GET4: variants seen among roughly 807,000 people sequenced by gnomAD.
The protein encoded by GET4 is guided entry of tail-anchored proteins factor 4.
GET4 carries 20 observed loss-of-function variants against 40.0 expected under a neutral mutation model. The ratio of observed to expected loss-of-function variants is 0.50; its 90% confidence interval spans 0.35 to 0.73. GET4 has a LOEUF of 0.73. Ranked by LOEUF, GET4 falls within the 30% of genes least tolerant of loss-of-function variation. The pLI, the probability that GET4 is intolerant of heterozygous loss-of-function variation, is 0.01. For missense variants in GET4, 557 were observed against 454.0 expected (o/e 1.23, Z -2.06); for synonymous variants, 280 against 194.6 (o/e 1.44, Z -3.65).
At chr7:878,417 T>G in intron 1 of GET4, 1 of 469,780 alleles carries the variant, frequency 2.1e-6, no homozygotes, top group Admixed American at 2.3e-5. Flanking sequence ...GAATTGGGTC[T>G]GTTTTAAAGA....
chr7:890,399 T>A (rs10246770), intron 4 of GET4, among the ~76,000 whole-genome samples: 4,776 of 13,126 alleles, frequency 0.36, 1,317 homozygotes, highest in East Asian at 0.54. Flanking sequence ...GGAGGGAGTG[T>A]GAGCGGGTGT....
At chr7:892,816 C>G (rs184598709) in intron 6 of GET4, among the ~76,000 whole-genome samples, 1 of 146,406 alleles carries the variant, frequency 6.8e-6, no homozygotes, top group Non-Finnish European at 1.5e-5. Flanking sequence ...CAGGTGTAGA[C>G]GGCGTATGTG....
intron 1 of GET4, 144 bp downstream of exon 1, chr7:876,944 G>C (rs954401375): frequency 3.7e-6 from 1 of 269,386 alleles, no homozygotes; most frequent in African/African-American, 2.3e-5. Context: ...GGGTCGCCCG[G>C]CGGAGGGTCT....
rs200041310 is a variant in GET4, at chr7:890,436, T to C, written c.467-492T>C. Among the ~76,000 whole-genome samples, 29 of 127,382 alleles carry C rather than the reference T, an allele frequency of 2.3e-4. 2 individuals carry two copies. The highest frequency in any genetic ancestry group is 7.9e-4 in the African/African-American group (26 of 32,712). 83.6% of individuals were successfully genotyped at this position (127,382 alleles called of 152,430 possible). On this transcript the variant is annotated intron_variant, in intron 4 of 8. Coordinates refer to ENST00000265857, the MANE Select transcript of GET4 (RefSeq NM_015949.3). The stretch of plus-strand genomic sequence containing the variant: ...AGGACGGGCCTGGGAGTGGAGGGAG[T>C]GTGAGCGGGTGTTAGGACGGGCTTG...
At chr7:894,625 C>CCTGACTCTT (rs938719193) in intron 8 of GET4, among the ~76,000 whole-genome samples, 1 of 152,158 alleles carries the variant, frequency 6.6e-6, no homozygotes, top group Non-Finnish European at 1.5e-5. Flanking sequence ...TCAGGAGCGC[C>CCTGACTCTT]CTGACTCTTC....
In GET4 at chr7:876,698, G is replaced by C; in HGVS notation, c.53G>C (p.Arg18Pro). The change falls in exon 1 of 9, where the codon CGC (arginine) becomes CCC (proline). Residue 18 changes from arginine to proline, a missense_variant. Arg to Pro is a moderately radical substitution (Grantham distance 103). Coordinates refer to ENST00000265857, the MANE Select transcript of GET4 (RefSeq NM_015949.3). ...AEQESARNGGRNRGGVQRVEG... is the reference protein window; with the variant it reads ...AEQESARNGGPNRGGVQRVEG... ...CAGGAGAGCGCCCGGAACGGCGGCC[G>C]CAACCGCGGCGGCGTCCAGCGTGTG... is the stretch of plus-strand genomic sequence containing the variant. 1 of 1,353,632 alleles carries C rather than the reference G, an allele frequency of 7.4e-7. No individual in the cohort carries two copies. The highest frequency in any genetic ancestry group is 9.6e-7 in the Non-Finnish European group (1 of 1,038,984). 83.9% of individuals were successfully genotyped at this position (1,353,632 alleles called of 1,614,324 possible). A position where few individuals can be genotyped will look rare whatever the true frequency, so the allele number is the denominator to read the frequency against.
At chr7:883,993 C>T (rs1844137498) in intron 1 of GET4, 1 of 1,084,708 alleles carries the variant, frequency 9.2e-7, no homozygotes, top group Non-Finnish European at 1.1e-6. Context: ...CTGCAAGGCG[C>T]AGTCCAAACC....
chr7:890,825 G>T, intron 4 of GET4, 103 bp from the exon 5 acceptor site: 1 of 929,124 alleles, frequency 1.1e-6, no homozygotes. Flanking sequence ...TCTCCTCCAG[G>T]GCGGGCAGGT....
rs1562899830 is a variant in GET4 at position 895,531 on chromosome 7, CGGT to C, written c.*112_*114del. On this transcript the variant is annotated 3_prime_UTR_variant, in exon 9 of 9. Coordinates refer to ENST00000265857, the MANE Select transcript of GET4 (RefSeq NM_015949.3). Reference sequence around the variant, plus strand: ...TGGGGGCTCCTGGCCCTGAGGCTGGCGGTGGCCGCATGCCGGCGCGTGTCTGTT... The same window carrying C: ...TGGGGGCTCCTGGCCCTGAGGCTGGCGGCCGCATGCCGGCGCGTGTCTGTT... The C allele has an allele frequency of 5.3e-6, 3 of 568,480 alleles. No homozygotes were observed. In the African/African-American group the frequency reaches 5.8e-5, roughly 11 times the overall value. The allele number at this position is 568,480 out of a possible 1,614,324, so 35.2% of individuals were successfully genotyped here.
At chr7:894,975 ATC>A (rs1562899354) in intron 8 of GET4, among the ~76,000 whole-genome samples, 1 of 151,634 alleles carries the variant, frequency 6.6e-6, no homozygotes, top group Admixed American at 6.6e-5. Context: ...CTGCTCAAAA[ATC>A]TCTTTCCGTG....
At chr7:884,500 G>A (rs1449212503) in intron 1 of GET4, 3 of 515,568 alleles carry the variant, frequency 5.8e-6, no homozygotes, top group African/African-American at 2.0e-5. Flanking sequence ...TCTCTCTTGG[G>A]TGCGGGCTTT....
intron 1 of GET4, chr7:884,495 C>G (rs7807168): frequency 0.033 from 18,037 of 547,144 alleles, 1,796 homozygotes; most frequent in African/African-American, 0.23. Flanking sequence ...CACTTTCTCT[C>G]TTGGGTGCGG....
Position 876,592 on chromosome 7 carries a change from G to C in GET4, c.-54G>C. ...GCGGCCGTCGGGACGGAAGCCGGGA[G>C]GCGCTGCCGACCGCGCCTGCGACAG... On this transcript the variant is annotated 5_prime_UTR_variant, in exon 1 of 9. Coordinates refer to ENST00000265857, the MANE Select transcript of GET4 (RefSeq NM_015949.3). 7 of 1,154,812 alleles carry C rather than the reference G, an allele frequency of 6.1e-6. No homozygotes were observed. Among genetic ancestry groups the C allele is most frequent in the Non-Finnish European group, 7.5e-6 (7 of 935,716 alleles). 71.5% of individuals were successfully genotyped at this position (1,154,812 alleles called of 1,614,324 possible).
intron 1 of GET4, among the ~76,000 whole-genome samples, chr7:878,517 G>T (rs939780522): frequency 6.6e-6 from 1 of 151,638 alleles, no homozygotes; most frequent in Non-Finnish European, 1.5e-5. Context: ...AAGGGCAGTT[G>T]GTCTGGCCTT....
intron 6 of GET4, 148 bp downstream of exon 6, chr7:892,566 T>G: frequency 2.7e-6 from 2 of 743,630 alleles, no homozygotes; most frequent in South Asian, 3.6e-5. Context: ...GAGTGCTGGG[T>G]GTAGACGTGG....
At position 886,004 on chromosome 7, in the gene GET4, G is replaced by A. The variant is rs187231014; in HGVS notation, c.156-52G>A. 3.8e-6 allele frequency: 4 copies of A among 1,041,432 alleles called. No individual in the cohort carries two copies. The East Asian group carries it at 9.4e-5, about 25-fold the overall frequency. 64.5% of individuals were successfully genotyped at this position (1,041,432 alleles called of 1,614,324 possible). Reference sequence around the variant, plus strand: ...TTCTGACCTGAAGATGAGCGGGGGAGCGCGGTGGCGAGGGCACGTGGGCGT... The same window carrying A: ...TTCTGACCTGAAGATGAGCGGGGGAACGCGGTGGCGAGGGCACGTGGGCGT... On this transcript the variant is annotated intron_variant, in intron 1 of 8. Transcript: ENST00000265857.
At chr7:887,207 G>A (rs770544363) in intron 3 of GET4, 163 bp from the exon 4 acceptor site, 35 of 801,060 alleles carry the variant, frequency 4.4e-5, no homozygotes, top group Non-Finnish European at 7.2e-5. Flanking sequence ...CTGGAACTGC[G>A]GTGGGCAGCT....
Position 887,479 on chromosome 7 carries a change from C to T in GET4, c.426C>T (p.His142=). The T allele has an allele frequency of 6.3e-7, 1 of 1,578,906 alleles. No individual in the cohort carries two copies. Among genetic ancestry groups the T allele is most frequent in the Middle Eastern group, 1.7e-4 (1 of 5,906 alleles). ...GTGGGGGCTCCGGGAAGCTGGGCCA[C>T]CCCCGGCTGCACCAGCTGCTGGCCC... ...WSSGGSGKLG[H]PRLHQLLALT... is the part of the protein sequence containing the mutation. The change falls in exon 4 of 9, where the codon CAC becomes CAT. Residue 142 remains histidine (H), a synonymous_variant. Coordinates refer to ENST00000265857, the MANE Select transcript of GET4 (RefSeq NM_015949.3).
chr7:877,220 T>G (rs1291543862), intron 1 of GET4, among the ~76,000 whole-genome samples: 1 of 148,026 alleles, frequency 6.8e-6, no homozygotes. Context: ...TCTCTCTCTC[T>G]CTGGCCTTCT....
Sources: gnomAD v4.1 joint callset for allele counts (sites outside exome capture counted in the v4.1 genomes callset) on GRCh38, gnomAD v4.1.1 for gene constraint, MANE v1.5 for transcripts, NCBI Gene and HGNC (gene_info 2026-07-23, HGNC 2026-07-21) for gene names.